Variants in COL5A2 observed in about 807,000 individuals in gnomAD.
COL5A2 encodes the protein collagen type V alpha 2 chain, also known as collagen alpha-2(V) chain.
COL5A2 carries 23 observed loss-of-function variants against 208.2 expected under a neutral mutation model. The ratio of observed to expected loss-of-function variants is 0.11; its 90% CI spans 0.08 to 0.16. COL5A2 has a LOEUF of 0.16. Among genes scored for constraint, COL5A2 ranks in the 10% least tolerant of loss-of-function variants. COL5A2 has a pLI of 1.00. For synonymous variants in COL5A2, 625 were observed against 628.5 expected, an observed-to-expected ratio of 0.99 and a Z score of 0.08; for missense variants, 1,590 against 1,956.4, an observed-to-expected ratio of 0.81 and a Z score of 3.53.
chr2:189,052,677 T>C, intron 40 of COL5A2, 72 bp downstream of exon 40: 1 of 1,419,610 alleles, frequency 7.0e-7, no homozygotes, highest in Non-Finnish European at 1.0e-6. Flanking sequence ...AAAATTATCT[T>C]TTACATGACC....
chr2:189,336,929 C>T, the COL5A2 span, among the ~76,000 whole-genome samples: 5,540 of 152,236 alleles, frequency 0.036, 114 homozygotes, highest in Admixed American at 0.05. Context: ...CCAGACTCCA[C>T]TAAATATCAA....
chr2:189,394,087 A>G, the COL5A2 span, among the ~76,000 whole-genome samples: 2 of 152,146 alleles, frequency 1.3e-5, no homozygotes, highest in Non-Finnish European at 1.5e-5. Flanking sequence ...CCAATTCTGT[A>G]TAATTGCTTG....
chr2:189,363,425 G>GT, the COL5A2 span, among the ~76,000 whole-genome samples: 8 of 151,710 alleles, frequency 5.3e-5, no homozygotes, highest in Non-Finnish European at 5.9e-5. Context: ...ATTATCATAT[G>GT]TTTTTTCTCC....
intron 1 of COL5A2, among the ~76,000 whole-genome samples, chr2:189,196,533 T>A (rs892701261): frequency 3.4e-5 from 5 of 147,022 alleles, no homozygotes; most frequent in Non-Finnish European, 1.5e-5. Flanking sequence ...CTTCTTCCCA[T>A]ATTGTTAGAA....
the COL5A2 span, among the ~76,000 whole-genome samples, chr2:189,387,042 T>C: frequency 1.3e-5 from 2 of 151,994 alleles, no homozygotes; most frequent in African/African-American, 2.4e-5. Context: ...TTATTCACAA[T>C]AGCAAAAACA....
At chr2:189,362,927 A>AAGCCAGTT in the COL5A2 span, among the ~76,000 whole-genome samples, 1 of 152,124 alleles carries the variant, frequency 6.6e-6, no homozygotes, top group Admixed American at 6.5e-5. Flanking sequence ...TTTTAATTAT[A>AAGCCAGTT]AGCCAGTTTT....
At chr2:189,231,756 A>G in the COL5A2 span, among the ~76,000 whole-genome samples, 1 of 151,062 alleles carries the variant, frequency 6.6e-6, no homozygotes, top group Non-Finnish European at 1.5e-5. Context: ...TAACTAAAGA[A>G]GAATAAAAAG....
the COL5A2 span, among the ~76,000 whole-genome samples, chr2:189,388,661 T>C: frequency 2.0e-5 from 3 of 152,264 alleles, no homozygotes; most frequent in Middle Eastern, 3.4e-3. Flanking sequence ...TCATATAGGG[T>C]TTAAGTGGGA....
rs776312058 is a variant in COL5A2, at chr2:189,075,395, T to C, written c.1102A>G (p.Met368Val). The change falls in exon 17 of 54, where the codon ATG (methionine) becomes GTG (valine). Residue 368 changes from methionine to valine, a missense_variant and splice_region_variant. Physicochemically the swap from Met to Val is conservative, Grantham distance 21. Coordinates refer to ENST00000374866, the MANE Select transcript of COL5A2 (RefSeq NM_000393.5). ...AHGMPGKPGP[M>V]GPLGIPGSSG... The stretch of plus-strand genomic sequence containing the variant: ...AATATGAAAATAATATAACTCACCA[T>C]TGGTCCAGGTTTTCCAGGCATACCA... 6 of 1,595,826 alleles carry C rather than the reference T, an allele frequency of 3.8e-6. No individual in the cohort carries two copies. The highest frequency in any genetic ancestry group is 1.1e-5 in the South Asian group (1 of 90,554).
intron 1 of COL5A2, among the ~76,000 whole-genome samples, chr2:189,111,390 T>C (rs547657618): frequency 1.3e-5 from 2 of 152,300 alleles, no homozygotes; most frequent in African/African-American, 4.8e-5. Context: ...CTTAAATACA[T>C]CAAGAACTTC....
chr2:189,259,962 A>T, the COL5A2 span, among the ~76,000 whole-genome samples: 2 of 152,198 alleles, frequency 1.3e-5, no homozygotes, highest in African/African-American at 2.4e-5. Context: ...AGAAAAGAGA[A>T]AGAAGAGGGC....
chr2:189,252,078 G>A, the COL5A2 span, among the ~76,000 whole-genome samples: 1 of 152,210 alleles, frequency 6.6e-6, no homozygotes, highest in Non-Finnish European at 1.5e-5. Flanking sequence ...TCTCACATCA[G>A]TTAGAATGGT....
chr2:189,104,003 C>T (rs1272331142), intron 3 of COL5A2, among the ~76,000 whole-genome samples: 2 of 151,994 alleles, frequency 1.3e-5, no homozygotes, highest in Non-Finnish European at 2.9e-5. Flanking sequence ...GTTAATCAGA[C>T]ATTTTCAATC....
At chr2:189,108,545 C>T (rs576484206) in intron 2 of COL5A2, among the ~76,000 whole-genome samples, 2 of 151,890 alleles carry the variant, frequency 1.3e-5, no homozygotes, top group South Asian at 2.1e-4. Flanking sequence ...ATTTATTTAT[C>T]TTTAAAGTTT....
chr2:189,177,509 T>C (rs1426631812), intron 1 of COL5A2, among the ~76,000 whole-genome samples: 2 of 152,236 alleles, frequency 1.3e-5, no homozygotes, highest in South Asian at 2.1e-4. Context: ...ATTAGGGCAA[T>C]GACGACTTTC....
At chr2:189,050,491 CA>C (rs1031722272) in intron 43 of COL5A2, 77 bp downstream of exon 43, 289 of 1,210,342 alleles carry the variant, frequency 2.4e-4, no homozygotes, top group Non-Finnish European at 3.1e-4. Flanking sequence ...ATTCATCAAG[CA>C]AAAAAAATAA....
chr2:189,428,748 A>G, the COL5A2 span, among the ~76,000 whole-genome samples: 1 of 152,226 alleles, frequency 6.6e-6, no homozygotes, highest in East Asian at 1.9e-4. Flanking sequence ...AGCTGAGCAT[A>G]TGCCAGAATT....
At chr2:189,051,174 A>G (rs1411118631) in intron 42 of COL5A2, 146 bp downstream of exon 42, 6 of 911,922 alleles carry the variant, frequency 6.6e-6, no homozygotes, top group Non-Finnish European at 9.9e-6. Flanking sequence ...CGTTTTTCCT[A>G]AAGCCTTATA....
intron 23 of COL5A2, among the ~76,000 whole-genome samples, chr2:189,065,844 G>T (rs1330502201): frequency 6.6e-6 from 1 of 152,064 alleles, no homozygotes; most frequent in Non-Finnish European, 1.5e-5. Flanking sequence ...TTTTTCCTCT[G>T]CTAAGAATGT....
Sources: allele counts gnomAD v4.1 joint callset (sites outside exome capture counted in the v4.1 genomes callset), GRCh38; gene constraint gnomAD v4.1.1; transcripts MANE v1.5; gene names NCBI Gene and HGNC (gene_info 2026-07-23, HGNC 2026-07-21).